Variants in TRIP13 observed in about 807,000 individuals in gnomAD.
TRIP13 encodes pachytene checkpoint protein 2 homolog.
TRIP13 carries 25 observed loss-of-function variants against 54.4 expected under a neutral mutation model. The ratio of observed to expected loss-of-function variants is 0.46; its 90% CI spans 0.33 to 0.64. The LOEUF (loss-of-function observed/expected upper bound fraction) is 0.64, where lower values mean the gene tolerates loss of function less well. TRIP13 is among the 30% of genes least tolerant of loss of function. The pLI is 0.02. For synonymous variants in TRIP13, 207 were observed against 207.8 expected (o/e 1.00, Z 0.03); for missense variants, 373 against 534.2 (o/e 0.70, Z 2.97).
chr5:916,374 G>C (rs1754341048), intron 12 of TRIP13, among the ~76,000 whole-genome samples: 1 of 152,174 alleles, frequency 6.6e-6, no homozygotes, highest in South Asian at 2.1e-4. Flanking sequence ...CTTCGGCCTG[G>C]GGCACTCACC....
At chr5:905,099 G>T (rs1233595015) in intron 6 of TRIP13, among the ~76,000 whole-genome samples, 2 of 152,166 alleles carry the variant, frequency 1.3e-5, no homozygotes, top group Non-Finnish European at 2.9e-5. Flanking sequence ...GTTCCGTTAG[G>T]CATTTCCATT....
At position 892,912 on chromosome 5, in the gene TRIP13, G is replaced by A; in HGVS notation, c.-87G>A. 3.1e-6 allele frequency: 4 copies of A among 1,291,052 alleles called. No individual in the cohort carries two copies. Among genetic ancestry groups the A allele is most frequent in the Non-Finnish European group, 3.1e-6 (3 of 983,280 alleles). The allele number at this position is 1,291,052 out of a possible 1,614,324, so 80.0% of individuals were successfully genotyped here. The stretch of plus-strand genomic sequence containing the variant: ...TTCGAAGCTAGGGCGGGGCCCGCGG[G>A]CTGAGGCAGCGGCTGTGGCGGCGAC... On this transcript the variant is annotated 5_prime_UTR_variant, in exon 1 of 13. Transcript: ENST00000166345.
chr5:900,591 A>T (rs187783664), intron 4 of TRIP13, 42 bp downstream of exon 4: 1 of 1,603,284 alleles, frequency 6.2e-7, no homozygotes, highest in Non-Finnish European at 8.5e-7. Context: ...TGTTATTTGA[A>T]GAGGAACCAT....
chr5:904,963 T>G (rs1248480342), intron 6 of TRIP13, among the ~76,000 whole-genome samples: 1 of 152,184 alleles, frequency 6.6e-6, no homozygotes, highest in African/African-American at 2.4e-5. Context: ...TATTGACTGG[T>G]TTTTCTTCTG....
Position 907,199 on chromosome 5 carries a change from T to G in TRIP13, c.672+6T>G. The G allele has an allele frequency of 6.2e-7, 1 of 1,606,208 alleles. No homozygotes were observed. On this transcript the variant is annotated splice_donor_region_variant and intron_variant, in intron 7 of 12. Coordinates refer to ENST00000166345, the MANE Select transcript of TRIP13 (RefSeq NM_004237.4). The surrounding 1 kb of genome is among the most constrained non-coding windows in gnomAD (Gnocchi z 4.1). ...TTTCTAAGTGGTTTTCGGAAGTAAG[T>G]ATTAAATATTAATTCTAATTGTCTG...
intron 9 of TRIP13, among the ~76,000 whole-genome samples, chr5:910,530 G>A (rs6870780): frequency 0.081 from 12,368 of 152,164 alleles, 734 homozygotes; most frequent in African/African-American, 0.17. Context: ...TCCACACGAC[G>A]CTGATGGCCT....
At position 907,301 on chromosome 5, in the gene TRIP13, A is replaced by T; in HGVS notation, c.672+108A>T. 1.0e-6 allele frequency: 1 copy of T among 976,972 alleles called. No individual in the cohort carries two copies. Among genetic ancestry groups the T allele is most frequent in the Middle Eastern group, 2.1e-4 (1 of 4,712 alleles). The allele number at this position is 976,972 out of a possible 1,614,324, so 60.5% of individuals were successfully genotyped here. On this transcript the variant is annotated intron_variant, in intron 7 of 12. Transcript: ENST00000166345. The surrounding 1 kb of genome is among the most constrained non-coding windows in gnomAD (Gnocchi z 4.1). ...AGCTTCAGGAGAGAACTGGGTGGGA[A>T]GGGTGTGTGAGGATTGGGGCTGACT...
At chr5:909,963 G>C (rs1048463598) in intron 9 of TRIP13, among the ~76,000 whole-genome samples, 2 of 152,212 alleles carry the variant, frequency 1.3e-5, no homozygotes, top group African/African-American at 4.8e-5. Flanking sequence ...TGGCCATCAT[G>C]AACATGTCAC....
chr5:916,787 G>GGC (rs1213138971), intron 12 of TRIP13, among the ~76,000 whole-genome samples: 4 of 148,162 alleles, frequency 2.7e-5, no homozygotes, highest in African/African-American at 1.1e-4. Flanking sequence ...AGGACATGGC[G>GGC]GGGGCGGGGG....
rs765225443 is a variant in TRIP13, at chr5:908,066, A to G, written c.751A>G (p.Ile251Val). The change falls in exon 8 of 13, where the codon ATT becomes GTT. Residue 251 changes from isoleucine to valine, a missense_variant. By Grantham distance (29) the Ile-to-Val change is conservative. This residue lies in a region of TRIP13 where 119 missense variants were observed against 223.0 expected (regional missense o/e 0.53). Transcript: ENST00000166345. The surrounding 1 kb of genome is among the most constrained non-coding windows in gnomAD (Gnocchi z 5.2). ...TAAAGACGCCCTGGTGTTCGTGCTG[A>G]TTGATGAGGTAGGCATTTCCAGATA... is the stretch of plus-strand genomic sequence containing the variant. Reference protein sequence around the residue: ...DDKDALVFVLIDEVESLTAAR... With the variant: ...DDKDALVFVLVDEVESLTAAR... The G allele has an allele frequency of 6.8e-6, 11 of 1,614,074 alleles. No individual in the cohort carries two copies. The highest frequency in any genetic ancestry group is 9.3e-6 in the Non-Finnish European group (11 of 1,180,032).
chr5:894,368 G>C (rs1195121362), intron 1 of TRIP13, among the ~76,000 whole-genome samples: 2 of 152,202 alleles, frequency 1.3e-5, no homozygotes, highest in African/African-American at 2.4e-5. Context: ...GATTTTCTCA[G>C]CACGAATCAC....
chr5:904,012 G>T, intron 5 of TRIP13, 136 bp from the exon 6 acceptor site: 1 of 703,582 alleles, frequency 1.4e-6, no homozygotes, highest in Non-Finnish European at 2.2e-6. Context: ...TTTCTAAGCA[G>T]ACTTCATTGT....
At chr5:910,407 G>A (rs796534137) in intron 9 of TRIP13, among the ~76,000 whole-genome samples, 3 of 152,218 alleles carry the variant, frequency 2.0e-5, no homozygotes, top group South Asian at 2.1e-4. Flanking sequence ...TTCTGTGGGG[G>A]GAATCCCAGA....
chr5:903,968 G>A lies in TRIP13; in HGVS notation c.536-180G>A, dbSNP rs983913364. ...GTACAAATAAGAAAGAGGGGGAGAC[G>A]TAAGTGTATTGGTAATATTTCATAG... is the stretch of plus-strand genomic sequence containing the variant. On this transcript the variant is annotated intron_variant, in intron 5 of 12. Transcript: ENST00000166345. Among the ~76,000 whole-genome samples the A allele has an allele frequency of 3.3e-5, 5 of 152,166 alleles. No individual in the cohort carries two copies. The East Asian group carries it at 5.8e-4, about 18-fold the overall frequency.
At chr5:904,257 A>G in intron 6 of TRIP13, 37 bp downstream of exon 6, 1 of 1,545,854 alleles carries the variant, frequency 6.5e-7, no homozygotes. Context: ...GAGCCATGGG[A>G]ATGGGATTTA....
rs1314527514 is a variant in TRIP13, at chr5:912,061, A to G, written c.1020+65A>G. 44 of 1,546,404 alleles carry G rather than the reference A, an allele frequency of 2.8e-5. No homozygotes were observed. Among genetic ancestry groups the G allele is most frequent in the Non-Finnish European group, 3.7e-5 (42 of 1,148,264 alleles). On this transcript the variant is annotated intron_variant, in intron 10 of 12. Coordinates refer to ENST00000166345, the MANE Select transcript of TRIP13 (RefSeq NM_004237.4). The surrounding 1 kb of genome is among the most constrained non-coding windows in gnomAD (Gnocchi z 7.2). ...TCTTATATGTTCTTAATTAATTAAG[A>G]TAGCTTAAAATAAGCTCGTTCCAGT... is the stretch of plus-strand genomic sequence containing the variant.
At chr5:894,381 C>T (rs1753841019) in intron 1 of TRIP13, among the ~76,000 whole-genome samples, 2 of 152,174 alleles carry the variant, frequency 1.3e-5, no homozygotes, top group Admixed American at 1.3e-4. Flanking sequence ...CGAATCACGG[C>T]TATTGGAGAC....
rs958980210 is a variant in TRIP13 at position 892,956 on chromosome 5, G to T, written c.-43G>T. 1.9e-5 allele frequency: 27 copies of T among 1,442,144 alleles called. No homozygotes were observed. In the African/African-American group the frequency reaches 4.0e-4, roughly 22 times the overall value. The allele number at this position is 1,442,144 out of a possible 1,614,324, so 89.3% of individuals were successfully genotyped here. A position where few individuals can be genotyped will look rare whatever the true frequency, so the allele number is the denominator to read the frequency against. On this transcript the variant is annotated 5_prime_UTR_variant, in exon 1 of 13. Transcript: ENST00000166345. Reference sequence around the variant, plus strand: ...CGGCGACGCTGGGCGTGAGGTGGCGGCGGCCGCGCCCTGGTTGGGTCCCCA... The same window carrying T: ...CGGCGACGCTGGGCGTGAGGTGGCGTCGGCCGCGCCCTGGTTGGGTCCCCA...
At chr5:901,074 T>C (rs1447509356) in intron 4 of TRIP13, among the ~76,000 whole-genome samples, 1 of 152,246 alleles carries the variant, frequency 6.6e-6, no homozygotes, top group African/African-American at 2.4e-5. Context: ...AGTGGTTTTG[T>C]TTAATGTTGG....
Sources: allele counts gnomAD v4.1 joint callset (sites outside exome capture counted in the v4.1 genomes callset), GRCh38; gene constraint gnomAD v4.1.1; regional missense constraint gnomAD v4.1.1; non-coding constraint Gnocchi (gnomAD v3.1); transcripts MANE v1.5; gene names NCBI Gene and HGNC (gene_info 2026-07-23, HGNC 2026-07-21).